ROCK2: variants seen among roughly 807,000 people sequenced by gnomAD.
The protein encoded by ROCK2 is Rho associated coiled-coil containing protein kinase 2, also known as rho-associated protein kinase 2.
Under a neutral mutation model 195.1 loss-of-function variants are expected in ROCK2, and 61 were observed. The observed-to-expected ratio is 0.31, with a 90% CI of 0.25 to 0.39. ROCK2 has a LOEUF of 0.39. Among genes scored for constraint, ROCK2 ranks in the 10% least tolerant of loss-of-function variants. The probability of loss-of-function intolerance (pLI) is 1.00; values close to 1 mark genes in which losing one functional copy is unlikely to be tolerated. For synonymous variants in ROCK2, 504 were observed against 545.5 expected, an observed-to-expected ratio of 0.92 and a Z score of 1.06; for missense variants, 1,109 against 1,637.4, an observed-to-expected ratio of 0.68 and a Z score of 5.57.
chr2:11,273,381 A>T (rs1666714603), intron 3 of ROCK2, among the ~76,000 whole-genome samples: 1 of 152,156 alleles, frequency 6.6e-6, no homozygotes, highest in African/African-American at 2.4e-5. Flanking sequence ...ATACACTTTA[A>T]ATCAATAAAG....
In ROCK2 at chr2:11,344,311, GGGCCCGCCC is replaced by G. The variant is rs1220040000; in HGVS notation, c.-184_-176del. On this transcript the variant is annotated 5_prime_UTR_variant, in exon 1 of 33. Coordinates refer to ENST00000315872, the MANE Select transcript of ROCK2 (RefSeq NM_004850.5). This position sits in a 1 kb window ranked among gnomAD's most constrained non-coding sequence, Gnocchi z 5.4. ...TCCCCCGCCTGGGGGCTGCTCCCAG[GGGCCCGCCC>G]GGCCCAGCCCGGCCCAGCCCGGCCC... The G allele has an allele frequency of 3.9e-5, 48 of 1,220,080 alleles. No individual in the cohort carries two copies. The highest frequency in any genetic ancestry group is 4.4e-5 in the Non-Finnish European group (43 of 982,032). 75.6% of individuals were successfully genotyped at this position (1,220,080 alleles called of 1,614,324 possible). A position where few individuals can be genotyped will look rare whatever the true frequency, so the allele number is the denominator to read the frequency against.
chr2:11,257,869 T>A (rs1666090904), intron 3 of ROCK2, among the ~76,000 whole-genome samples: 1 of 151,496 alleles, frequency 6.6e-6, no homozygotes, highest in Non-Finnish European at 1.5e-5. Flanking sequence ...AATGGAGTGA[T>A]GTATTCTCAA....
chr2:11,282,140 C>T (rs935779737), intron 3 of ROCK2, among the ~76,000 whole-genome samples: 8 of 152,082 alleles, frequency 5.3e-5, no homozygotes, highest in Non-Finnish European at 1.0e-4. Context: ...CGCTTGAGCC[C>T]AGGAATTTGA....
In ROCK2 at chr2:11,197,174, C is replaced by T; in HGVS notation, c.3448+6G>A. On this transcript the variant is annotated splice_donor_region_variant and intron_variant, in intron 27 of 32. Coordinates refer to ENST00000315872, the MANE Select transcript of ROCK2 (RefSeq NM_004850.5). This position sits in a 1 kb window ranked among gnomAD's most constrained non-coding sequence, Gnocchi z 4.9. ...ATAAATATTAGTGCTGAAAACAAAT[C>T]CATACCTGGAAACCCATCATCTGCC... 4 of 1,588,028 alleles carry T rather than the reference C, an allele frequency of 2.5e-6. No homozygotes were observed. Among genetic ancestry groups the T allele is most frequent in the East Asian group, 2.3e-5 (1 of 44,304 alleles).
chr2:11,279,399 A>G (rs1476699006), intron 3 of ROCK2, among the ~76,000 whole-genome samples: 1 of 152,238 alleles, frequency 6.6e-6, no homozygotes, highest in African/African-American at 2.4e-5. Context: ...CAGACGAGCA[A>G]ACTTCAAAGC....
Position 11,235,706 on chromosome 2 carries a change from T to A in ROCK2, c.719A>T (p.Asp240Val). Residue 240 changes from aspartate (D) to valine (V), a missense_variant, in exon 5 of 33, where the codon GAT becomes GTT. Around this residue, in one of 6 missense-constraint regions of ROCK2, gnomAD observed 253 missense variants for 455.5 expected, o/e 0.56. Coordinates refer to ENST00000315872, the MANE Select transcript of ROCK2 (RefSeq NM_004850.5). The surrounding 1 kb of genome is among the most constrained non-coding windows in gnomAD (Gnocchi z 4.2). ...LADFGTCMKM[D>V]ETGMVHCDTA... ...TTAAATAATTTGCTTACTTACTTCA[T>A]CCATCTTCATACACGTGCCAAAATC... The A allele has an allele frequency of 6.2e-7, 1 of 1,605,648 alleles. No individual in the cohort carries two copies. Among genetic ancestry groups the A allele is most frequent in the Non-Finnish European group, 8.5e-7 (1 of 1,176,072 alleles).
At chr2:11,194,102 C>T in intron 29 of ROCK2, 154 bp downstream of exon 29, 1 of 456,526 alleles carries the variant, frequency 2.2e-6, no homozygotes, top group South Asian at 6.1e-5. Flanking sequence ...TTTTAACTAA[C>T]CCTGTATCCC....
chr2:11,227,063 G>A (rs1664838100), intron 6 of ROCK2, among the ~76,000 whole-genome samples, 191 bp downstream of exon 6: 1 of 151,586 alleles, frequency 6.6e-6, no homozygotes, highest in Non-Finnish European at 1.5e-5. Context: ...TAATCACCAT[G>A]CCAGTATCAG....
At chr2:11,220,000 C>A (rs761011858) in intron 9 of ROCK2, among the ~76,000 whole-genome samples, 1 of 151,812 alleles carries the variant, frequency 6.6e-6, no homozygotes, top group Non-Finnish European at 1.5e-5. Context: ...CGCAAACCAC[C>A]ACATCTGGCT....
intron 1 of ROCK2, among the ~76,000 whole-genome samples, chr2:11,290,371 G>A (rs1038814840): frequency 1.4e-4 from 21 of 152,036 alleles, no homozygotes; most frequent in Admixed American, 3.9e-4. Flanking sequence ...AGCTGAAGTG[G>A]GAGGACTGCT....
At chr2:11,340,895 G>A (rs1195558615) in intron 1 of ROCK2, among the ~76,000 whole-genome samples, 2 of 152,122 alleles carry the variant, frequency 1.3e-5, no homozygotes, top group Non-Finnish European at 1.5e-5. Flanking sequence ...CTCTTTGAAA[G>A]AGTAAAATAA....
At chr2:11,266,577 A>G (rs905128142) in intron 3 of ROCK2, among the ~76,000 whole-genome samples, 2 of 152,218 alleles carry the variant, frequency 1.3e-5, no homozygotes, top group Non-Finnish European at 2.9e-5. Flanking sequence ...TATTTCACAT[A>G]AAAGGACAAA....
intron 3 of ROCK2, among the ~76,000 whole-genome samples, chr2:11,274,225 C>T (rs1251703178): frequency 6.6e-6 from 1 of 150,840 alleles, no homozygotes; most frequent in Non-Finnish European, 1.5e-5. Context: ...CAAACTAAAC[C>T]CAAAGCCATC....
intron 1 of ROCK2, among the ~76,000 whole-genome samples, chr2:11,295,990 G>GAGAGAGAGAGAGAGGA (rs1553313903): frequency 3.5e-5 from 1 of 28,394 alleles, no homozygotes; most frequent in South Asian, 1.7e-3. Context: ...GAGAGAGAGA[G>GAGAGAGAGAGAGAGGA]GAGAGAGAGA....
chr2:11,237,703 A>G (rs1001776494), intron 4 of ROCK2, among the ~76,000 whole-genome samples: 1 of 152,250 alleles, frequency 6.6e-6, no homozygotes, highest in African/African-American at 2.4e-5. Context: ...GCAGACAAGA[A>G]AACAAAGGAG....
intron 1 of ROCK2, among the ~76,000 whole-genome samples, chr2:11,335,050 C>T (rs905715020): frequency 6.6e-5 from 10 of 151,720 alleles, no homozygotes; most frequent in Admixed American, 5.9e-4. Flanking sequence ...TAGAAACATT[C>T]CCCAAAATAT....
At chr2:11,258,148 T>C (rs1666100591) in intron 3 of ROCK2, among the ~76,000 whole-genome samples, 1 of 151,502 alleles carries the variant, frequency 6.6e-6, no homozygotes, top group South Asian at 2.1e-4. Context: ...GAAACTGAAT[T>C]TTTGTCATAC....
At chr2:11,325,967 C>A (rs1182828552) in intron 1 of ROCK2, among the ~76,000 whole-genome samples, 3 of 152,036 alleles carry the variant, frequency 2.0e-5, no homozygotes, top group African/African-American at 7.3e-5. Context: ...CTGATCGAAG[C>A]TAAATGGATA....
chr2:11,258,665 C>T (rs764797116), intron 3 of ROCK2, among the ~76,000 whole-genome samples: 1 of 151,284 alleles, frequency 6.6e-6, no homozygotes, highest in East Asian at 1.9e-4. Flanking sequence ...GTGAGAAAGA[C>T]ACTTCATACT....
Sources: gnomAD v4.1 joint callset for allele counts (sites outside exome capture counted in the v4.1 genomes callset) on GRCh38, gnomAD v4.1.1 for gene constraint, gnomAD v4.1.1 regional missense constraint, Gnocchi (gnomAD v3.1) non-coding constraint, MANE v1.5 for transcripts, NCBI Gene and HGNC (gene_info 2026-07-23, HGNC 2026-07-21) for gene names.